The following CFTR variants were observed in gnomAD, a reference collection of about 807,000 sequenced individuals.
CFTR encodes CF transmembrane conductance regulator.
Under a neutral mutation model 171.6 loss-of-function variants are expected in CFTR, and 181 were observed. The observed-to-expected ratio is 1.05, with a 90% CI of 0.93 to 1.19. CFTR has a LOEUF of 1.19. Ranked by LOEUF, CFTR falls within the 50% of genes most tolerant of loss-of-function variation. The pLI, the probability that CFTR is intolerant of heterozygous loss-of-function variation, is 0.00. For missense variants in CFTR, 1,968 were observed against 1,734.7 expected (o/e 1.13, Z -2.39); for synonymous variants, 583 against 608.0 (o/e 0.96, Z 0.60).
rs548181457 is a variant in CFTR at position 117,584,684 on chromosome 7, A to AT, written c.1585-3048dup. Among the ~76,000 whole-genome samples, 44 of 151,790 alleles carry AT rather than the reference A, an allele frequency of 2.9e-4. No homozygotes were observed. The South Asian group carries it at 8.7e-3, about 30-fold the overall frequency. On this transcript the variant is annotated intron_variant, in intron 11 of 26. Coordinates refer to ENST00000003084, the MANE Select transcript of CFTR (RefSeq NM_000492.4). ...TTTTTAGTTCCCTATGAATTTTAGGATTTTTTTCTAGTTCTGTGAAGAATT... is the reference window on the plus strand; with the variant it reads ...TTTTTAGTTCCCTATGAATTTTAGGATTTTTTTTCTAGTTCTGTGAAGAATT...
At chr7:117,645,254 G>A (rs935789515) in intron 23 of CFTR, among the ~76,000 whole-genome samples, 3 of 152,096 alleles carry the variant, frequency 2.0e-5, no homozygotes, top group African/African-American at 7.2e-5. Context: ...ACTCCTACAT[G>A]CTTAACATTA....
intron 3 of CFTR, among the ~76,000 whole-genome samples, chr7:117,530,478 C>A (rs1211462772): frequency 6.6e-6 from 1 of 152,010 alleles, no homozygotes; most frequent in Non-Finnish European, 1.5e-5. Context: ...AATAATAATG[C>A]CTACTCTGTA....
At chr7:117,518,387 AATAAT>A (rs939605916) in intron 3 of CFTR, among the ~76,000 whole-genome samples, 39 of 147,008 alleles carry the variant, frequency 2.7e-4, no homozygotes, top group African/African-American at 9.1e-4. Flanking sequence ...TAATACTATA[AATAAT>A]ATAATAATTT....
At chr7:117,501,638 T>A (rs1270052243) in intron 1 of CFTR, among the ~76,000 whole-genome samples, 1 of 148,644 alleles carries the variant, frequency 6.7e-6, no homozygotes, top group Non-Finnish European at 1.5e-5. Flanking sequence ...TCCCAGCTAC[T>A]CAGGAGGCTG....
rs759980456 is a variant in CFTR at position 117,542,067 on chromosome 7, A to G, written c.1168A>G (p.Thr390Ala). The change falls in exon 9 of 27, where the codon ACA becomes GCA. Residue 390 changes from threonine (T) to alanine (A), a missense_variant. Physicochemically the swap from Thr to Ala is moderately conservative, Grantham distance 58. Coordinates refer to ENST00000003084, the MANE Select transcript of CFTR (RefSeq NM_000492.4). Reference protein sequence around the residue: ...YKTLEYNLTTTEVVMENVTAF... With the variant: ...YKTLEYNLTTAEVVMENVTAF... The stretch of plus-strand genomic sequence containing the variant: ...GACATTGGAATATAACTTAACGACT[A>G]CAGAAGTAGTGATGGAGAATGTAAC... 1 of 1,603,750 alleles carries G rather than the reference A, an allele frequency of 6.2e-7. No individual in the cohort carries two copies. The highest frequency in any genetic ancestry group is 2.2e-5 in the East Asian group (1 of 44,740).
intron 11 of CFTR, among the ~76,000 whole-genome samples, chr7:117,581,058 T>C (rs1458217232): frequency 6.6e-6 from 1 of 152,152 alleles, no homozygotes; most frequent in East Asian, 1.9e-4. Flanking sequence ...ATAAGATGAA[T>C]AAAAATATCA....
At chr7:117,651,547 A>T (rs1793090158) in intron 23 of CFTR, among the ~76,000 whole-genome samples, 4 of 152,212 alleles carry the variant, frequency 2.6e-5, no homozygotes, top group Admixed American at 2.6e-4. Flanking sequence ...CACATATCTT[A>T]TGATCCTATG....
chr7:117,571,428 A>G (rs1231909274), intron 11 of CFTR, among the ~76,000 whole-genome samples: 2 of 152,156 alleles, frequency 1.3e-5, no homozygotes, highest in African/African-American at 4.8e-5. Context: ...TCAGACTTAG[A>G]GGAGATAGTT....
intron 23 of CFTR, among the ~76,000 whole-genome samples, chr7:117,643,788 G>T (rs1346713489): frequency 6.6e-6 from 1 of 152,214 alleles, no homozygotes. Flanking sequence ...TAAGTCTTGT[G>T]GTCCCATTTT....
At chr7:117,643,966 G>A (rs183666513) in intron 23 of CFTR, among the ~76,000 whole-genome samples, 5 of 152,238 alleles carry the variant, frequency 3.3e-5, no homozygotes, top group Admixed American at 3.3e-4. Context: ...ACGTAGGAAC[G>A]TATATATGCA....
intron 22 of CFTR, among the ~76,000 whole-genome samples, chr7:117,640,275 T>C (rs1442869357): frequency 6.6e-6 from 1 of 152,108 alleles, no homozygotes; most frequent in Non-Finnish European, 1.5e-5. Flanking sequence ...AAACCAGTGA[T>C]TCCTTGCCTT....
intron 23 of CFTR, among the ~76,000 whole-genome samples, chr7:117,649,290 G>T (rs1446571933): frequency 2.7e-5 from 4 of 150,394 alleles, no homozygotes; most frequent in African/African-American, 9.8e-5. Flanking sequence ...GTGTGTGTGT[G>T]TGTGTGTGTG....
chr7:117,498,154 T>G (rs1798268117), intron 1 of CFTR, among the ~76,000 whole-genome samples: 1 of 152,154 alleles, frequency 6.6e-6, no homozygotes, highest in Admixed American at 6.5e-5. Context: ...TGTAGTCTTT[T>G]GTTTAGCAGC....
chr7:117,653,443 G>A (rs1793117926), intron 24 of CFTR, among the ~76,000 whole-genome samples: 1 of 152,122 alleles, frequency 6.6e-6, no homozygotes, highest in South Asian at 2.1e-4. Flanking sequence ...CATTGATGGT[G>A]CTTTCTTGCT....
intron 11 of CFTR, among the ~76,000 whole-genome samples, chr7:117,585,487 A>G (rs901044566): frequency 6.6e-6 from 1 of 152,200 alleles, no homozygotes; most frequent in Non-Finnish European, 1.5e-5. Flanking sequence ...GGAAAACTGT[A>G]ATAATTCTAG....
intron 21 of CFTR, among the ~76,000 whole-genome samples, chr7:117,623,995 CT>C (rs1214655534): frequency 5.4e-5 from 8 of 148,514 alleles, no homozygotes; most frequent in South Asian, 2.1e-4. Context: ...GATTTGGATT[CT>C]TTTTTTTTTA....
chr7:117,490,088 A>C (rs35714998), intron 1 of CFTR, among the ~76,000 whole-genome samples: 2,230 of 152,006 alleles, frequency 0.015, 56 homozygotes, highest in African/African-American at 0.051. Context: ...TGGAAGAAGC[A>C]TGTACTTTGG....
intron 11 of CFTR, among the ~76,000 whole-genome samples, chr7:117,575,580 G>A (rs1168202734): frequency 6.6e-6 from 1 of 152,108 alleles, no homozygotes; most frequent in Non-Finnish European, 1.5e-5. Flanking sequence ...GGATACTAAA[G>A]CAGATGTGTA....
At chr7:117,627,796 G>C (rs748602524) in intron 22 of CFTR, 26 bp downstream of exon 22, 19 of 1,604,994 alleles carry the variant, frequency 1.2e-5, no homozygotes, top group Non-Finnish European at 1.6e-5. Context: ...TGCTTGCTTT[G>C]TTAGACTGTG....
Sources: gnomAD v4.1 joint callset for allele counts (sites outside exome capture counted in the v4.1 genomes callset) on GRCh38, gnomAD v4.1.1 for gene constraint, MANE v1.5 for transcripts, NCBI Gene and HGNC (gene_info 2026-07-23, HGNC 2026-07-21) for gene names.